CASR: variants seen among roughly 807,000 people sequenced by gnomAD.
CASR encodes extracellular calcium-sensing receptor.
A neutral mutation model predicts 69.1 loss-of-function variants in CASR; 23 were observed. The ratio of observed to expected loss-of-function variants is 0.33; its 90% CI spans 0.24 to 0.47. The LOEUF (loss-of-function observed/expected upper bound fraction) is 0.47, where lower values mean the gene tolerates loss of function less well. CASR is among the 20% of genes least tolerant of loss of function. The probability of loss-of-function intolerance (pLI) is 1.00; values close to 1 mark genes in which losing one functional copy is unlikely to be tolerated. For synonymous variants in CASR, 541 were observed against 544.7 expected (o/e 0.99, Z 0.10); for missense variants, 924 against 1,356.1 (o/e 0.68, Z 5.00).
At chr3:122,199,406 T>C (rs1043854554) in intron 1 of CASR, among the ~76,000 whole-genome samples, 1 of 152,242 alleles carries the variant, frequency 6.6e-6, no homozygotes, top group Non-Finnish European at 1.5e-5. Context: ...ATTATCTTCC[T>C]TTTTTCTATA....
intron 1 of CASR, 42 bp from the exon 2 acceptor site, chr3:122,253,906 T>G: frequency 2.3e-6 from 1 of 442,088 alleles, no homozygotes; most frequent in Non-Finnish European, 4.2e-6. Flanking sequence ...CAAGATGGGA[T>G]TGAGGTTTAG....
intron 1 of CASR, among the ~76,000 whole-genome samples, chr3:122,185,020 G>A (rs2073764378): frequency 6.6e-6 from 1 of 152,030 alleles, no homozygotes; most frequent in African/African-American, 2.4e-5. Context: ...TGCTTCAGTG[G>A]CATCAAATTA....
intron 1 of CASR, among the ~76,000 whole-genome samples, chr3:122,190,271 G>A (rs776932821): frequency 2.0e-5 from 3 of 152,136 alleles, no homozygotes; most frequent in African/African-American, 7.2e-5. Context: ...TAAGAGATTC[G>A]GGGAAAGGTA....
chr3:122,284,065 T>C lies in CASR; in HGVS notation c.2111T>C (p.Leu704Pro), dbSNP rs1559968657. 1 of 1,614,226 alleles carries C rather than the reference T, an allele frequency of 6.2e-7. No homozygotes were observed. The highest frequency in any genetic ancestry group is 8.5e-7 in the Non-Finnish European group (1 of 1,180,046). The change falls in exon 7 of 7, where the codon CTG becomes CCG. Residue 704 changes from leucine (L) to proline (P), a missense_variant. Leu to Pro is a moderately conservative substitution (Grantham distance 98, BLOSUM62 -3). This residue lies in a region of CASR where 184 missense variants were observed against 278.8 expected (regional missense o/e 0.66). Transcript: ENST00000639785. ...CILVKTNRVL[L>P]VFEAKIPTSF... ...CTGGTGAAAACCAACCGTGTCCTCCTGGTGTTTGAGGCCAAGATCCCCACC... is the reference window on the plus strand; with the variant it reads ...CTGGTGAAAACCAACCGTGTCCTCCCGGTGTTTGAGGCCAAGATCCCCACC...
intron 1 of CASR, among the ~76,000 whole-genome samples, chr3:122,227,243 C>T (rs559128129): frequency 2.6e-5 from 4 of 151,952 alleles, no homozygotes; most frequent in African/African-American, 9.6e-5. Flanking sequence ...GTTGGCGGGA[C>T]TGGGCTCCAT....
intron 1 of CASR, among the ~76,000 whole-genome samples, chr3:122,238,802 C>T (rs929763898): frequency 2.6e-5 from 4 of 152,180 alleles, no homozygotes; most frequent in African/African-American, 7.2e-5. Context: ...AGTTCCTTGA[C>T]AACATTTCTA....
At position 122,237,401 on chromosome 3, in the gene CASR, G is replaced by C. The variant is rs534940661; in HGVS notation, c.-242-16547G>C. Among the ~76,000 whole-genome samples, 172 of 152,190 alleles carry C rather than the reference G, an allele frequency of 1.1e-3. 1 individual carries two copies. Among genetic ancestry groups the C allele is most frequent in the African/African-American group, 4.1e-3 (170 of 41,538 alleles). ...ATTATAGGCATGAGCCACCACACCT[G>C]GCCGAAGTGTCTTTAAAATTCCACA... On this transcript the variant is annotated intron_variant, in intron 1 of 6. Transcript: ENST00000639785.
chr3:122,235,642 TA>T (rs1559947778), intron 1 of CASR, among the ~76,000 whole-genome samples: 1 of 152,124 alleles, frequency 6.6e-6, no homozygotes, highest in Non-Finnish European at 1.5e-5. Context: ...CAAAATTTTT[TA>T]AAAAATAGCC....
intron 1 of CASR, among the ~76,000 whole-genome samples, chr3:122,188,029 T>C (rs1487752201): frequency 6.6e-6 from 1 of 152,202 alleles, no homozygotes; most frequent in Non-Finnish European, 1.5e-5. Context: ...GCACAGATTA[T>C]GTACTCAGGA....
chr3:122,212,982 G>A (rs1315000993), intron 1 of CASR, among the ~76,000 whole-genome samples: 1 of 152,074 alleles, frequency 6.6e-6, no homozygotes, highest in African/African-American at 2.4e-5. Context: ...CATTGTTCTG[G>A]GATGCATTTA....
At chr3:122,281,760 G>C (rs1318615350) in intron 5 of CASR, among the ~76,000 whole-genome samples, 1 of 152,106 alleles carries the variant, frequency 6.6e-6, no homozygotes, top group African/African-American at 2.4e-5. Context: ...TATGTCCTTT[G>C]AGTCTGTTGT....
At chr3:122,275,743 G>A in intron 4 of CASR, 69 bp from the exon 5 acceptor site, 1 of 1,011,816 alleles carries the variant, frequency 9.9e-7, no homozygotes, top group South Asian at 1.3e-5. Context: ...TGTTGTGCAG[G>A]GCACAGCCTA....
chr3:122,284,366 C>G lies in CASR; in HGVS notation c.2412C>G (p.Ala804=), dbSNP rs886038418. 6.2e-7 allele frequency: 1 copy of G among 1,614,116 alleles called. No individual in the cohort carries two copies. The highest frequency in any genetic ancestry group is 1.1e-5 in the South Asian group (1 of 91,080). The stretch of plus-strand genomic sequence containing the variant: ...AGCTGCCGGAGAACTTCAATGAAGC[C>G]AAGTTCATCACCTTCAGCATGCTCA... ...SRKLPENFNE[A]KFITFSMLIF... Residue 804 remains alanine, a synonymous_variant, in exon 7 of 7, where the codon GCC becomes GCG. Transcript: ENST00000639785.
chr3:122,270,573 A>C (rs2074746962), intron 4 of CASR, among the ~76,000 whole-genome samples: 1 of 152,014 alleles, frequency 6.6e-6, no homozygotes. Flanking sequence ...TTTTGTAGTT[A>C]CTTATTTGGA....
Position 122,284,241 on chromosome 3 carries a change from A to C in CASR, c.2287A>C (p.Ile763Leu). Residue 763 changes from isoleucine to leucine, a missense_variant, in exon 7 of 7, where the codon ATC becomes CTC. Coordinates refer to ENST00000639785, the MANE Select transcript of CASR (RefSeq NM_000388.4). ...GGAGCTGGAGGATGAGATCATCTTC[A>C]TCACGTGCCACGAGGGCTCCCTCAT... ...NQELEDEIIF[I>L]TCHEGSLMAL... 6.2e-7 allele frequency: 1 copy of C among 1,614,092 alleles called. No homozygotes were observed.
At chr3:122,204,877 T>A (rs1434034089) in intron 1 of CASR, among the ~76,000 whole-genome samples, 3 of 152,208 alleles carry the variant, frequency 2.0e-5, no homozygotes, top group Non-Finnish European at 4.4e-5. Flanking sequence ...TGTCTTCTTT[T>A]GAGAAATGTC....
chr3:122,228,840 C>T (rs1397136329), intron 1 of CASR, among the ~76,000 whole-genome samples: 1 of 152,192 alleles, frequency 6.6e-6, no homozygotes. Context: ...TGTGCCACTA[C>T]CCCTGAGACT....
rs1576881086 is a variant in CASR, at chr3:122,288,857, T to G, written c.*3666T>G. On this transcript the variant is annotated 3_prime_UTR_variant, in exon 7 of 7. Coordinates refer to ENST00000639785, the MANE Select transcript of CASR (RefSeq NM_000388.4). ...CTTACATTTCTTTTGAAAATTAAAA[T>G]GAATTATAAAGTTAAAAAGATTTTC... 6.6e-6 allele frequency: 1 copy of G among 152,196 alleles called. No homozygotes were observed. Among genetic ancestry groups the G allele is most frequent in the African/African-American group, 2.4e-5 (1 of 41,438 alleles). 9.4% of individuals were successfully genotyped at this position (152,196 alleles called of 1,614,324 possible). A position where few individuals can be genotyped will look rare whatever the true frequency, so the allele number is the denominator to read the frequency against.
rs569353314 is a variant in CASR, at chr3:122,201,698, C to T, written c.-243+17886C>T. Among the ~76,000 whole-genome samples the T allele has an allele frequency of 2.9e-4, 36 of 122,694 alleles. No individual in the cohort carries two copies. In the South Asian group the frequency reaches 4.6e-3, roughly 16 times the overall value. The allele number at this position is 122,694 out of a possible 152,430, so 80.5% of individuals were successfully genotyped here. A position where few individuals can be genotyped will look rare whatever the true frequency, so the allele number is the denominator to read the frequency against. ...GGCTGACCCCCACCTCCCTCCCGGA[C>T]GGGGCGGCTGGCTTGGTGGAGACGC... On this transcript the variant is annotated intron_variant, in intron 1 of 6. Transcript: ENST00000639785.
Sources: allele counts gnomAD v4.1 joint callset (sites outside exome capture counted in the v4.1 genomes callset), GRCh38; gene constraint gnomAD v4.1.1; regional missense constraint gnomAD v4.1.1; transcripts MANE v1.5; gene names NCBI Gene and HGNC (gene_info 2026-07-23, HGNC 2026-07-21).